Variants in CTNNA3 observed in about 807,000 individuals in gnomAD.
CTNNA3 encodes catenin alpha-3.
In CTNNA3, 76 loss-of-function variants were observed where a neutral mutation model predicts 95.7. The observed-to-expected ratio is 0.79, with a 90% confidence interval of 0.66 to 0.96. CTNNA3 has a LOEUF of 0.96. Among genes scored for constraint, CTNNA3 ranks in the 40% least tolerant of loss-of-function variants. CTNNA3 has a pLI of 0.00. For synonymous variants in CTNNA3, 431 were observed against 374.4 expected (o/e 1.15, Z -1.74); for missense variants, 1,191 against 1,089.8 (o/e 1.09, Z -1.31).
intron 10 of CTNNA3, among the ~76,000 whole-genome samples, chr10:66,522,895 A>G (rs1471263687): frequency 1.3e-5 from 2 of 152,160 alleles, no homozygotes; most frequent in East Asian, 1.9e-4. Context: ...CAACAATAAA[A>G]AGAAGCTTTT....
chr10:65,991,690 G>T (rs1159724469), intron 15 of CTNNA3, among the ~76,000 whole-genome samples: 2 of 151,820 alleles, frequency 1.3e-5, no homozygotes, highest in Non-Finnish European at 2.9e-5. Context: ...TAATTTCATT[G>T]CAAAGAAGGA....
intron 9 of CTNNA3, among the ~76,000 whole-genome samples, chr10:66,674,067 C>G (rs968780395): frequency 7.9e-5 from 12 of 151,732 alleles, no homozygotes; most frequent in Non-Finnish European, 1.8e-4. Context: ...AAGAGAGTAT[C>G]TTCTCCTGTG....
At chr10:66,514,261 G>T (rs1840762729) in intron 11 of CTNNA3, among the ~76,000 whole-genome samples, 1 of 152,054 alleles carries the variant, frequency 6.6e-6, no homozygotes, top group East Asian at 1.9e-4. Context: ...TACACATTCA[G>T]CAAATACCTA....
intron 5 of CTNNA3, among the ~76,000 whole-genome samples, chr10:67,254,156 G>GA (rs1866234708): frequency 6.6e-6 from 1 of 151,954 alleles, no homozygotes; most frequent in African/African-American, 2.4e-5. Context: ...AATACTGGCA[G>GA]AAAAAAGAAG....
At chr10:67,140,176 G>T (rs1245604303) in intron 7 of CTNNA3, among the ~76,000 whole-genome samples, 2 of 151,996 alleles carry the variant, frequency 1.3e-5, no homozygotes, top group East Asian at 3.8e-4. Flanking sequence ...CATTCAAATT[G>T]CTATTGAAAT....
chr10:66,980,289 C>T (rs2132875514), intron 7 of CTNNA3, among the ~76,000 whole-genome samples: 1 of 152,084 alleles, frequency 6.6e-6, no homozygotes, highest in East Asian at 1.9e-4. Flanking sequence ...CCAAGTATAC[C>T]ACAAGTCAAC....
At chr10:67,357,863 C>T (rs1842869133) in intron 5 of CTNNA3, among the ~76,000 whole-genome samples, 2 of 152,014 alleles carry the variant, frequency 1.3e-5, no homozygotes, top group African/African-American at 4.8e-5. Context: ...AGTCCAAGAA[C>T]TTGAACTGTC....
intron 9 of CTNNA3, among the ~76,000 whole-genome samples, chr10:66,764,355 C>G (rs181127117): frequency 6.6e-6 from 1 of 152,152 alleles, no homozygotes; most frequent in East Asian, 1.9e-4. Flanking sequence ...AAGTGTTCCT[C>G]GAAGGTAGTG....
chr10:67,394,315 A>C (rs1844638045), intron 5 of CTNNA3, among the ~76,000 whole-genome samples: 1 of 151,766 alleles, frequency 6.6e-6, no homozygotes, highest in South Asian at 2.1e-4. Context: ...AAAAAAAAAG[A>C]AGCCCGTTAG....
chr10:67,197,492 C>A (rs2132196152), intron 6 of CTNNA3, among the ~76,000 whole-genome samples: 1 of 152,136 alleles, frequency 6.6e-6, no homozygotes, highest in African/African-American at 2.4e-5. Context: ...TACCTTGCAA[C>A]TGTAAAATTC....
chr10:66,671,259 C>A (rs4143860), intron 9 of CTNNA3, among the ~76,000 whole-genome samples: 1 of 151,866 alleles, frequency 6.6e-6, no homozygotes, highest in Non-Finnish European at 1.5e-5. Context: ...TAAAATATGA[C>A]GCAATAACAA....
rs562537405 is a variant in CTNNA3, at chr10:66,912,275, T to C, written c.1048-136751A>G. On this transcript the variant is annotated intron_variant, in intron 7 of 17. Transcript: ENST00000433211. Reference sequence around the variant, plus strand: ...TGTATCAAATTCAGGTTTTCTAGTTTTTTACTATAAAATAACAAATACAAA... The same window carrying C: ...TGTATCAAATTCAGGTTTTCTAGTTCTTTACTATAAAATAACAAATACAAA... 2.5e-3 allele frequency among the ~76,000 whole-genome samples: 385 copies of C among 152,266 alleles called. 3 individuals are homozygous for C. Among genetic ancestry groups the C allele is most frequent in the Non-Finnish European group, 4.6e-3 (312 of 68,026 alleles).
chr10:66,718,688 A>T (rs1848532748), intron 9 of CTNNA3, among the ~76,000 whole-genome samples: 1 of 151,044 alleles, frequency 6.6e-6, no homozygotes, highest in African/African-American at 2.4e-5. Flanking sequence ...AATAAAGAGA[A>T]TGTAAGCTTT....
intron 7 of CTNNA3, among the ~76,000 whole-genome samples, chr10:67,174,097 T>C (rs1239738396): frequency 6.6e-6 from 1 of 152,234 alleles, no homozygotes; most frequent in Non-Finnish European, 1.5e-5. Flanking sequence ...CATTACTTTA[T>C]AGTTACTTTT....
chr10:66,754,717 A>G (rs186480042), intron 9 of CTNNA3, among the ~76,000 whole-genome samples: 1 of 152,264 alleles, frequency 6.6e-6, no homozygotes, highest in Admixed American at 6.5e-5. Flanking sequence ...GCACATGACA[A>G]GCTATTCAAC....
chr10:65,933,924 G>A (rs1181606664), intron 17 of CTNNA3, among the ~76,000 whole-genome samples: 1 of 152,070 alleles, frequency 6.6e-6, no homozygotes, highest in African/African-American at 2.4e-5. Flanking sequence ...GAGTGGTTCT[G>A]GCACAGATTC....
At chr10:66,333,916 T>A (rs564608366) in intron 12 of CTNNA3, among the ~76,000 whole-genome samples, 1 of 152,182 alleles carries the variant, frequency 6.6e-6, no homozygotes, top group Admixed American at 6.5e-5. Context: ...GGTGCTCCTG[T>A]ATGTGGTGTA....
At chr10:66,616,263 T>C (rs938434069) in intron 10 of CTNNA3, among the ~76,000 whole-genome samples, 4 of 152,088 alleles carry the variant, frequency 2.6e-5, no homozygotes, top group Non-Finnish European at 5.9e-5. Flanking sequence ...GTTAAATGTC[T>C]GCAGTGTTGA....
intron 17 of CTNNA3, among the ~76,000 whole-genome samples, chr10:65,936,712 T>C (rs892133573): frequency 3.3e-5 from 5 of 152,120 alleles, no homozygotes; most frequent in African/African-American, 4.8e-5. Context: ...AAATAGTCTA[T>C]GTTGAAAACT....
Sources: gnomAD v4.1 joint callset for allele counts (sites outside exome capture counted in the v4.1 genomes callset) on GRCh38, gnomAD v4.1.1 for gene constraint, MANE v1.5 for transcripts, NCBI Gene and HGNC (gene_info 2026-07-23, HGNC 2026-07-21) for gene names.